Variants in IL13RA1 observed in about 807,000 individuals in gnomAD.
IL13RA1 encodes interleukin 13 receptor subunit alpha 1.
IL13RA1 carries 14 observed loss-of-function variants against 33.8 expected under a neutral mutation model. The ratio of observed to expected loss-of-function variants is 0.41; its 90% confidence interval spans 0.27 to 0.65. The LOEUF is 0.65. Ranked by LOEUF, IL13RA1 falls within the 30% of genes least tolerant of loss-of-function variation. IL13RA1 has a pLI of 0.28. For missense variants in IL13RA1, 313 were observed against 327.0 expected (o/e 0.96, Z 0.33); for synonymous variants, 116 against 115.7 (o/e 1.00, Z -0.02).
At chrX:118,800,952 G>A in the IL13RA1 span, among the ~76,000 whole-genome samples, 1 of 110,924 alleles carries the variant, frequency 9.0e-6, no homozygotes, top group African/African-American at 3.3e-5. Context: ...ATGCTCAGCT[G>A]TTAATTTTTA....
chrX:118,733,448 C>T (rs886118312), intron 1 of IL13RA1, among the ~76,000 whole-genome samples: 2 of 111,542 alleles, frequency 1.8e-5, no homozygotes, highest in Non-Finnish European at 3.8e-5. Context: ...GGTGAAATAT[C>T]TATTTAAGCC....
intron 10 of IL13RA1, among the ~76,000 whole-genome samples, chrX:118,780,376 T>C (rs918672792): frequency 1.8e-5 from 2 of 112,921 alleles, no homozygotes; most frequent in African/African-American, 6.4e-5. Flanking sequence ...TCCCTCTCTT[T>C]AGAGATGGGG....
At chrX:118,798,286 A>T (rs2018042724), downstream of IL13RA1, among the ~76,000 whole-genome samples, 1 of 105,579 alleles carries the variant, frequency 9.5e-6, no homozygotes, top group African/African-American at 3.6e-5. Context: ...ACCATTAATT[A>T]TATTTTTTTG....
At chrX:118,729,270 A>G (rs1003676410) in intron 1 of IL13RA1, among the ~76,000 whole-genome samples, 1 of 112,093 alleles carries the variant, frequency 8.9e-6, no homozygotes, top group East Asian at 2.8e-4. Context: ...CATCTAGAGA[A>G]TACTGGCAAC....
chrX:118,769,623 G>A (rs2017688292), intron 8 of IL13RA1, among the ~76,000 whole-genome samples: 1 of 112,867 alleles, frequency 8.9e-6, no homozygotes, highest in Non-Finnish European at 1.9e-5. Context: ...CTGTTAATAA[G>A]ATTACATATT....
At chrX:118,731,007 GC>G (rs754959128) in intron 1 of IL13RA1, among the ~76,000 whole-genome samples, 2 of 112,548 alleles carry the variant, frequency 1.8e-5, no homozygotes, top group Admixed American at 1.9e-4. Flanking sequence ...ACAGGCGAGA[GC>G]AAAAGCTATA....
At chrX:118,728,597 A>G (rs1216496932) in intron 1 of IL13RA1, among the ~76,000 whole-genome samples, 1 of 112,113 alleles carries the variant, frequency 8.9e-6, no homozygotes, top group East Asian at 2.8e-4. Context: ...GAAAGCCCCA[A>G]ACTGTATAGG....
Position 118,727,704 on chromosome X carries a change from G to GGGCGGA in IL13RA1, c.71_72insAGGCGG (p.Gly24_Gly25dup), listed in dbSNP as rs1478203314. On this transcript the variant is annotated inframe_insertion, in exon 1 of 11. Coordinates refer to ENST00000371666, the MANE Select transcript of IL13RA1 (RefSeq NM_001560.3). ...TGCTCTGCGCCGGCGGCGGGGGCGG[G>GGGCGGA]GGCGGGGGCGCCGCGCCTACGGGTG... is the stretch of plus-strand genomic sequence containing the variant. 4.5e-6 allele frequency: 4 copies of GGGCGGA among 894,421 alleles called. No individual in the cohort carries two copies. Among genetic ancestry groups the GGGCGGA allele is most frequent in the Non-Finnish European group, 5.5e-6 (4 of 723,494 alleles). The allele number at this position is 894,421 out of a possible 1,213,427, so 73.7% of individuals were successfully genotyped here.
the IL13RA1 span, among the ~76,000 whole-genome samples, chrX:118,803,917 CCTTCCTCT>C: frequency 1.4e-4 from 8 of 57,065 alleles, no homozygotes; most frequent in Non-Finnish European, 2.1e-4. Context: ...TTCCTTCCTT[CCTTCCTCT>C]CTCTCTTTTT....
intron 4 of IL13RA1, among the ~76,000 whole-genome samples, chrX:118,754,123 A>G (rs1392668160): frequency 9.0e-6 from 1 of 110,900 alleles, no homozygotes; most frequent in African/African-American, 3.3e-5. Flanking sequence ...CCCACAGCTT[A>G]TTCTTTCTGG....
chrX:118,767,321 G>A (rs978932223), intron 8 of IL13RA1, among the ~76,000 whole-genome samples: 1 of 111,533 alleles, frequency 9.0e-6, no homozygotes, highest in African/African-American at 3.3e-5. Context: ...CAGGAGGATC[G>A]CTTGAGCCCA....
At chrX:118,757,960 G>T in intron 4 of IL13RA1, 95 bp from the exon 5 acceptor site, 2 of 495,642 alleles carry the variant, frequency 4.0e-6, no homozygotes, top group East Asian at 3.5e-5. Flanking sequence ...AAAAGTGCTG[G>T]GATTACAGGT....
In IL13RA1 at chrX:118,760,021, C is replaced by T. The variant is rs190264912; in HGVS notation, c.677-1117C>T. Among the ~76,000 whole-genome samples, 8 of 111,809 alleles carry T rather than the reference C, an allele frequency of 7.2e-5. No homozygotes were observed. The East Asian group carries it at 1.1e-3, about 16-fold the overall frequency. On this transcript the variant is annotated intron_variant, in intron 5 of 10. Coordinates refer to ENST00000371666, the MANE Select transcript of IL13RA1 (RefSeq NM_001560.3). The stretch of plus-strand genomic sequence containing the variant: ...CTCCTGAGCTCAAGCGATCTACCCA[C>T]CTTGGCTCCCAAAGTATTTTACTCT...
At chrX:118,776,540 T>TA (rs2017783307) in intron 10 of IL13RA1, 29 bp downstream of exon 10, 1 of 395,721 alleles carries the variant, frequency 2.5e-6, no homozygotes, top group South Asian at 4.2e-5. Flanking sequence ...GGGCTTGAAA[T>TA]GTTTTTTTTT....
At chrX:118,753,699 G>T (rs919024645) in intron 4 of IL13RA1, among the ~76,000 whole-genome samples, 1 of 112,817 alleles carries the variant, frequency 8.9e-6, no homozygotes, top group Non-Finnish European at 1.9e-5. Context: ...GCTAATTTTT[G>T]TGTTTTTTGT....
chrX:118,796,602 A>G (rs1331311282), downstream of IL13RA1, among the ~76,000 whole-genome samples: 3 of 111,746 alleles, frequency 2.7e-5, no homozygotes, highest in Admixed American at 1.9e-4. Flanking sequence ...CAATGGCACA[A>G]TCTCAGTTCA....
intron 4 of IL13RA1, among the ~76,000 whole-genome samples, chrX:118,750,113 C>T (rs752111878): frequency 7.2e-5 from 8 of 111,233 alleles, no homozygotes; most frequent in African/African-American, 2.6e-4. Context: ...AACCTCAGTC[C>T]TATTTCAACA....
downstream of IL13RA1, among the ~76,000 whole-genome samples, chrX:118,799,043 A>T (rs1252324645): frequency 2.7e-5 from 3 of 111,585 alleles, no homozygotes; most frequent in Non-Finnish European, 3.8e-5. Flanking sequence ...CGGGGCCCGC[A>T]CTCGGAGCAG....
chrX:118,741,949 A>T (rs1798724256), intron 2 of IL13RA1, among the ~76,000 whole-genome samples: 1 of 111,008 alleles, frequency 9.0e-6, no homozygotes, highest in African/African-American at 3.3e-5. Flanking sequence ...GGTGGCAGGA[A>T]GTCAGGAGAA....
Sources: allele counts gnomAD v4.1 joint callset (sites outside exome capture counted in the v4.1 genomes callset), GRCh38; gene constraint gnomAD v4.1.1; transcripts MANE v1.5; gene names NCBI Gene and HGNC (gene_info 2026-07-23, HGNC 2026-07-21).